The following FANCC variants were observed in gnomAD, a reference collection of about 807,000 sequenced individuals.
FANCC encodes Fanconi anemia group C protein.
A neutral mutation model predicts 71.3 loss-of-function variants in FANCC; 55 were observed. The observed-to-expected ratio is 0.77, with a 90% confidence interval of 0.62 to 0.97. The LOEUF is 0.97. Among genes scored for constraint, FANCC ranks in the 50% least tolerant of loss-of-function variants. FANCC has a pLI of 0.00. For synonymous variants in FANCC, 275 were observed against 244.9 expected, an observed-to-expected ratio of 1.12 and a Z score of -1.15; for missense variants, 678 against 670.9, an observed-to-expected ratio of 1.01 and a Z score of -0.12.
At chr9:95,269,618 G>A (rs1184546445) in intron 1 of FANCC, among the ~76,000 whole-genome samples, 1 of 152,164 alleles carries the variant, frequency 6.6e-6, no homozygotes, top group African/African-American at 2.4e-5. Context: ...TCTTTCTGGA[G>A]CCCTTCATGC....
intron 7 of FANCC, among the ~76,000 whole-genome samples, chr9:95,136,587 T>G (rs1218019518): frequency 6.6e-6 from 1 of 152,118 alleles, no homozygotes; most frequent in Non-Finnish European, 1.5e-5. Flanking sequence ...CCTAGGCTCA[T>G]GTGATCCTCC....
chr9:95,290,426 A>C (rs1833934088), intron 1 of FANCC, among the ~76,000 whole-genome samples: 1 of 152,248 alleles, frequency 6.6e-6, no homozygotes, highest in African/African-American at 2.4e-5. Flanking sequence ...CCTCAGATCG[A>C]AGAAGCCCTA....
chr9:95,244,626 C>T (rs1371834789), intron 3 of FANCC, among the ~76,000 whole-genome samples: 1 of 125,068 alleles, frequency 8.0e-6, no homozygotes, highest in African/African-American at 3.1e-5. Flanking sequence ...TTGCAGTGAG[C>T]CGAGATCACG....
At chr9:95,260,499 T>A (rs1448452416) in intron 1 of FANCC, among the ~76,000 whole-genome samples, 1 of 151,776 alleles carries the variant, frequency 6.6e-6, no homozygotes, top group Non-Finnish European at 1.5e-5. Context: ...TGCGAACACA[T>A]GGACCCAGGG....
intron 7 of FANCC, among the ~76,000 whole-genome samples, chr9:95,137,340 G>A (rs1006288336): frequency 2.0e-5 from 3 of 152,094 alleles, no homozygotes; most frequent in South Asian, 2.1e-4. Context: ...CTGAAGACCC[G>A]GGGAGACTGC....
At chr9:95,292,379 T>C in intron 1 of FANCC, 1 of 1,024,776 alleles carries the variant, frequency 9.8e-7, no homozygotes, top group Non-Finnish European at 1.2e-6. Context: ...GGTCCACGGC[T>C]CTGGCGGCGG....
intron 3 of FANCC, among the ~76,000 whole-genome samples, chr9:95,247,103 G>A (rs1831030243): frequency 6.6e-6 from 1 of 152,178 alleles, no homozygotes; most frequent in African/African-American, 2.4e-5. Flanking sequence ...TTAAAATGAA[G>A]TTATGAAAGT....
intron 1 of FANCC, among the ~76,000 whole-genome samples, chr9:95,300,828 G>C (rs1299916569): frequency 6.6e-6 from 1 of 152,180 alleles, no homozygotes; most frequent in Non-Finnish European, 1.5e-5. Flanking sequence ...TAGCTGCCAA[G>C]AGACACATCA....
chr9:95,315,654 G>A (rs1002302281), intron 1 of FANCC, among the ~76,000 whole-genome samples: 1 of 152,190 alleles, frequency 6.6e-6, no homozygotes, highest in African/African-American at 2.4e-5. Flanking sequence ...ACAAGACAGA[G>A]AATGCACATA....
At chr9:95,102,870 G>C (rs552836994) in intron 14 of FANCC, among the ~76,000 whole-genome samples, 2 of 152,166 alleles carry the variant, frequency 1.3e-5, no homozygotes, top group Non-Finnish European at 2.9e-5. Context: ...CGCTCTCCTC[G>C]GCCCCCCCTG....
rs372697908 is a variant in FANCC at position 95,135,846 on chromosome 9, G to C, written c.687-344C>G. On this transcript the variant is annotated intron_variant, in intron 7 of 14. Transcript: ENST00000289081. ...TGCCCAGTCCCTAACTGAAGAAATA[G>C]GCATGTTCAAACACGCGTAATCATG... 5.5e-4 allele frequency among the ~76,000 whole-genome samples: 84 copies of C among 152,304 alleles called. 2 individuals carry two copies. The South Asian group carries it at 0.017, about 30-fold the overall frequency.
At chr9:95,107,366 G>T in intron 13 of FANCC, 97 bp from the exon 14 acceptor site, 1 of 1,343,590 alleles carries the variant, frequency 7.4e-7, no homozygotes, top group Non-Finnish European at 1.0e-6. Context: ...CCCCAGAAAC[G>T]GGTAAGCACT....
Position 95,159,357 on chromosome 9 carries a change from T to C in FANCC, c.522-9270A>G, listed in dbSNP as rs1046304583. 5.9e-5 allele frequency among the ~76,000 whole-genome samples: 9 copies of C among 152,212 alleles called. No individual in the cohort carries two copies. In the South Asian group the frequency reaches 1.9e-3, roughly 32 times the overall value. The stretch of plus-strand genomic sequence containing the variant: ...TACATCCATGTCCATGCAAAGGACA[T>C]GAACTCATCCTTTTTTATGGCTGCA... On this transcript the variant is annotated intron_variant, in intron 6 of 14. Transcript: ENST00000289081.
chr9:95,147,305 G>A (rs1163481001), intron 7 of FANCC, among the ~76,000 whole-genome samples: 3 of 152,120 alleles, frequency 2.0e-5, no homozygotes, highest in East Asian at 3.9e-4. Flanking sequence ...ATCACCTGAG[G>A]TCGGGATTTC....
At chr9:95,293,336 C>G (rs994417276) in intron 1 of FANCC, 2 of 1,606,040 alleles carry the variant, frequency 1.2e-6, no homozygotes, top group African/African-American at 1.3e-5. Context: ...AGGTGTTGAT[C>G]AGGGCTCTGC....
At chr9:95,289,797 C>T (rs929534196) in intron 1 of FANCC, among the ~76,000 whole-genome samples, 1 of 151,982 alleles carries the variant, frequency 6.6e-6, no homozygotes, top group African/African-American at 2.4e-5. Flanking sequence ...ACTATAGGCA[C>T]ATGCCACCAT....
At chr9:95,275,501 T>C (rs903124604) in intron 1 of FANCC, among the ~76,000 whole-genome samples, 4 of 152,056 alleles carry the variant, frequency 2.6e-5, no homozygotes, top group African/African-American at 9.7e-5. Context: ...CTTCAGGTGA[T>C]AATGATGTAT....
At chr9:95,287,240 T>C (rs1338442292) in intron 1 of FANCC, among the ~76,000 whole-genome samples, 2 of 152,196 alleles carry the variant, frequency 1.3e-5, no homozygotes, top group East Asian at 3.9e-4. Flanking sequence ...ACATGGTATG[T>C]CAGTTTTTTA....
In FANCC at chr9:95,099,262, G is replaced by C. The variant is rs1053316067; in HGVS notation, c.*2445C>G. 9.1e-6 allele frequency: 2 copies of C among 220,050 alleles called. No homozygotes were observed. Among genetic ancestry groups the C allele is most frequent in the African/African-American group, 4.5e-5 (2 of 44,440 alleles). The allele number at this position is 220,050 out of a possible 1,614,324, so 13.6% of individuals were successfully genotyped here. On this transcript the variant is annotated 3_prime_UTR_variant, in exon 15 of 15. Transcript: ENST00000289081. ...TTATCAAAAACTAAACTATCAGGGA[G>C]AGTCTACAAAAACTCCTGCTAGAGT...
Sources: gnomAD v4.1 joint callset for allele counts (sites outside exome capture counted in the v4.1 genomes callset) on GRCh38, gnomAD v4.1.1 for gene constraint, MANE v1.5 for transcripts, NCBI Gene and HGNC (gene_info 2026-07-23, HGNC 2026-07-21) for gene names.